Variants in TCP11L1 observed in about 807,000 individuals in gnomAD.
The protein encoded by TCP11L1 is t-complex 11 like 1.
Under a neutral mutation model 48.9 loss-of-function variants are expected in TCP11L1, and 28 were observed. The observed-to-expected ratio is 0.57, with a 90% CI of 0.42 to 0.78. TCP11L1 has a LOEUF of 0.78. TCP11L1 is among the 30% of genes least tolerant of loss of function. The pLI, the probability that TCP11L1 is intolerant of heterozygous loss-of-function variation, is 0.00. For missense variants in TCP11L1, 505 were observed against 613.4 expected, an observed-to-expected ratio of 0.82 and a Z score of 1.87; for synonymous variants, 204 against 231.9, an observed-to-expected ratio of 0.88 and a Z score of 1.09.
chr11:33,058,172 C>T (rs1371833983), intron 5 of TCP11L1, 33 bp downstream of exon 5: 4 of 1,535,506 alleles, frequency 2.6e-6, no homozygotes, highest in Non-Finnish European at 3.5e-6. Context: ...CTCCGTGCAA[C>T]TACAATTCAG....
chr11:33,054,987 A>G (rs182772002), intron 3 of TCP11L1, among the ~76,000 whole-genome samples: 4 of 152,364 alleles, frequency 2.6e-5, no homozygotes, highest in African/African-American at 4.8e-5. Context: ...CTTTGAAACT[A>G]TCACACTGCA....
At chr11:33,067,285 A>T (rs575635301) in intron 8 of TCP11L1, among the ~76,000 whole-genome samples, 1 of 152,332 alleles carries the variant, frequency 6.6e-6, no homozygotes, top group Non-Finnish European at 1.5e-5. Context: ...GGTTCTAAGT[A>T]AATGCTCTAT....
rs925898425 is a variant in TCP11L1 at position 33,045,735 on chromosome 11, C to A, written c.163+1799C>A. 3.9e-5 allele frequency among the ~76,000 whole-genome samples: 6 copies of A among 152,180 alleles called. No homozygotes were observed. The East Asian group carries it at 1.2e-3, about 29-fold the overall frequency. The stretch of plus-strand genomic sequence containing the variant: ...AGTGGAGTCAAAAGAATGAAAAAGA[C>A]AAGTTTAAGAGTGCATAAAGTGGGT... On this transcript the variant is annotated intron_variant, in intron 2 of 9. Transcript: ENST00000334274.
chr11:33,061,270 T>C (rs1229545137), intron 6 of TCP11L1, among the ~76,000 whole-genome samples: 1 of 152,182 alleles, frequency 6.6e-6, no homozygotes, highest in Non-Finnish European at 1.5e-5. Flanking sequence ...CATTATCTTG[T>C]TTAATCCTCA....
intron 1 of TCP11L1, among the ~76,000 whole-genome samples, chr11:33,042,766 C>G (rs953622199): frequency 1.3e-5 from 2 of 151,870 alleles, no homozygotes; most frequent in Non-Finnish European, 2.9e-5. Context: ...AACCCCGTCT[C>G]TACTAAAAAT....
intron 2 of TCP11L1, 83 bp downstream of exon 2, chr11:33,044,019 C>A: frequency 7.3e-7 from 1 of 1,376,210 alleles, no homozygotes; most frequent in Non-Finnish European, 9.8e-7. Flanking sequence ...GTGCATGTGG[C>A]CGTGAGCTAG....
chr11:33,040,188 A>G (rs1169541461), intron 1 of TCP11L1: 2 of 151,776 alleles, frequency 1.3e-5, no homozygotes, highest in South Asian at 2.1e-4. Flanking sequence ...GCGCCGACGG[A>G]TGACCGTCTT....
chr11:33,045,166 GCAA>G (rs1053569880), intron 2 of TCP11L1, among the ~76,000 whole-genome samples: 2 of 151,836 alleles, frequency 1.3e-5, no homozygotes, highest in Non-Finnish European at 2.9e-5. Flanking sequence ...ACCAGCCTAG[GCAA>G]CATAATGAGA....
rs1408525546 is a variant in TCP11L1 at position 33,052,569 on chromosome 11, A to T, written c.164-2024A>T. Among the ~76,000 whole-genome samples the T allele has an allele frequency of 2.0e-5, 3 of 152,138 alleles. No individual in the cohort carries two copies. The East Asian group carries it at 5.8e-4, about 29-fold the overall frequency. ...TTTTAAACCTGGGCAAACCAGTGACATTACTTATCTAATTTTAAGGCCAGA... is the reference window on the plus strand; with the variant it reads ...TTTTAAACCTGGGCAAACCAGTGACTTTACTTATCTAATTTTAAGGCCAGA... On this transcript the variant is annotated intron_variant, in intron 2 of 9. Transcript: ENST00000334274.
chr11:33,071,937 C>T (rs1319854009), intron 9 of TCP11L1, among the ~76,000 whole-genome samples: 8 of 152,116 alleles, frequency 5.3e-5, no homozygotes, highest in Admixed American at 1.3e-4. Context: ...CCTCCACCTC[C>T]TGGGTTCAAG....
intron 2 of TCP11L1, among the ~76,000 whole-genome samples, chr11:33,045,939 C>T (rs1373262574): frequency 5.9e-5 from 9 of 152,220 alleles, no homozygotes; most frequent in Non-Finnish European, 1.2e-4. Context: ...GCATATGGAA[C>T]ATGTTCTGCT....
intron 2 of TCP11L1, among the ~76,000 whole-genome samples, chr11:33,049,746 G>A (rs549051198): frequency 3.0e-4 from 45 of 152,286 alleles, no homozygotes; most frequent in Admixed American, 1.3e-4. Context: ...ATACAATTGG[G>A]TTTTACACCA....
intron 1 of TCP11L1, 122 bp from the exon 2 acceptor site, chr11:33,043,628 T>TA: frequency 1.4e-6 from 1 of 715,838 alleles, no homozygotes; most frequent in East Asian, 2.8e-5. Flanking sequence ...CAAGCTCATT[T>TA]ATTCTACAAA....
intron 5 of TCP11L1, among the ~76,000 whole-genome samples, chr11:33,058,345 C>T (rs964705889): frequency 1.3e-5 from 2 of 151,834 alleles, no homozygotes; most frequent in Non-Finnish European, 2.9e-5. Context: ...ATTATAGGCA[C>T]GCACCACCGT....
chr11:33,056,684 A>G (rs77368109), intron 3 of TCP11L1: 32,517 of 241,878 alleles, frequency 0.13, 2,443 homozygotes, highest in Middle Eastern at 0.23. Context: ...CCTCAGGTGA[A>G]CTGCCTGCCT....
intron 7 of TCP11L1, among the ~76,000 whole-genome samples, 169 bp from the exon 8 acceptor site, chr11:33,065,661 G>A (rs1193180777): frequency 2.0e-5 from 3 of 152,210 alleles, no homozygotes; most frequent in African/African-American, 7.2e-5. Flanking sequence ...CAGGAGGAAC[G>A]GCTCTGAGAT....
In TCP11L1 at chr11:33,072,634, C is replaced by T. The variant is rs773716828; in HGVS notation, c.1488C>T (p.Pro496=). ...ACTATAACAAGATGGTCTTCTGTCC[C>T]TACTACGATGCAATCCTGAGTAAGA... is the stretch of plus-strand genomic sequence containing the variant. The part of the protein sequence containing the change: ...LVNYNKMVFC[P]YYDAILSKIL... Residue 496 remains proline, a synonymous_variant, in exon 10 of 10, where the codon CCC becomes CCT. Transcript: ENST00000334274. The T allele has an allele frequency of 1.9e-6, 3 of 1,614,148 alleles. No individual in the cohort carries two copies. The highest frequency in any genetic ancestry group is 1.6e-4 in the Middle Eastern group (1 of 6,062).
chr11:33,043,166 C>T (rs1853889327), intron 1 of TCP11L1, among the ~76,000 whole-genome samples: 1 of 152,050 alleles, frequency 6.6e-6, no homozygotes, highest in South Asian at 2.1e-4. Context: ...ACCTAGCAGG[C>T]GGAGGATGCA....
chr11:33,067,244 A>G (rs555843949), intron 8 of TCP11L1, among the ~76,000 whole-genome samples: 3 of 152,240 alleles, frequency 2.0e-5, no homozygotes, highest in Admixed American at 2.0e-4. Flanking sequence ...GGTGACTTCT[A>G]TGGTTTCCAG....
Sources: gnomAD v4.1 joint callset for allele counts (sites outside exome capture counted in the v4.1 genomes callset) on GRCh38, gnomAD v4.1.1 for gene constraint, MANE v1.5 for transcripts, NCBI Gene and HGNC (gene_info 2026-07-23, HGNC 2026-07-21) for gene names.